The following DPP10 variants were observed in gnomAD, a reference collection of about 807,000 sequenced individuals.
DPP10 encodes dipeptidyl peptidase like 10.
Under a neutral mutation model 120.9 loss-of-function variants are expected in DPP10, and 33 were observed. The observed-to-expected ratio is 0.27, with a 90% CI of 0.21 to 0.37. DPP10 has a LOEUF of 0.37. DPP10 is among the 10% of genes least tolerant of loss of function. The pLI, the probability that DPP10 is intolerant of heterozygous loss-of-function variation, is 1.00. For synonymous variants in DPP10, 337 were observed against 326.1 expected, an observed-to-expected ratio of 1.03 and a Z score of -0.36; for missense variants, 816 against 942.8, an observed-to-expected ratio of 0.87 and a Z score of 1.76.
At chr2:114,583,030 G>A (rs940953816) in intron 1 of DPP10, among the ~76,000 whole-genome samples, 1 of 152,158 alleles carries the variant, frequency 6.6e-6, no homozygotes, top group Non-Finnish European at 1.5e-5. Context: ...AAGTTCCCAG[G>A]TAACAGGAAG....
intron 1 of DPP10, among the ~76,000 whole-genome samples, chr2:114,699,258 A>T (rs1201129197): frequency 1.3e-5 from 2 of 152,084 alleles, no homozygotes; most frequent in Admixed American, 1.3e-4. Flanking sequence ...CGTTTGTATA[A>T]ATATACATAT....
intron 21 of DPP10, among the ~76,000 whole-genome samples, chr2:115,819,926 G>A (rs1427467704): frequency 3.9e-5 from 6 of 152,148 alleles, no homozygotes; most frequent in East Asian, 1.9e-4. Context: ...CCCAGGAGGC[G>A]GAGATTGTGG....
chr2:114,795,896 A>G (rs1379768096), intron 1 of DPP10, among the ~76,000 whole-genome samples: 2 of 152,212 alleles, frequency 1.3e-5, no homozygotes, highest in Non-Finnish European at 2.9e-5. Context: ...GCATGGAACC[A>G]TTAACAGTAG....
intron 7 of DPP10, among the ~76,000 whole-genome samples, chr2:115,716,428 C>A (rs1042869749): frequency 2.0e-5 from 3 of 152,010 alleles, no homozygotes; most frequent in South Asian, 4.1e-4. Flanking sequence ...AACTGAAGTA[C>A]GAGGGATAGC....
chr2:115,047,906 T>C (rs1573424603), intron 1 of DPP10, among the ~76,000 whole-genome samples: 1 of 152,232 alleles, frequency 6.6e-6, no homozygotes, highest in African/African-American at 2.4e-5. Context: ...CAGTCCTCCA[T>C]TTGTCATGAA....
At chr2:114,856,764 T>A (rs1689402482) in intron 1 of DPP10, among the ~76,000 whole-genome samples, 1 of 152,194 alleles carries the variant, frequency 6.6e-6, no homozygotes, top group South Asian at 2.1e-4. Context: ...GCTTCTGTTT[T>A]TTATCTTAGC....
chr2:115,148,523 C>A (rs570764766), intron 1 of DPP10, among the ~76,000 whole-genome samples: 1 of 152,250 alleles, frequency 6.6e-6, no homozygotes, highest in African/African-American at 2.4e-5. Flanking sequence ...GCTGTACATA[C>A]ACTGGAGAGA....
At chr2:115,185,557 T>G (rs1243128593) in intron 1 of DPP10, among the ~76,000 whole-genome samples, 2 of 152,158 alleles carry the variant, frequency 1.3e-5, no homozygotes, top group Non-Finnish European at 2.9e-5. Flanking sequence ...TACCTAAAAT[T>G]TATTATTGTT....
intron 19 of DPP10, among the ~76,000 whole-genome samples, chr2:115,801,748 T>C (rs1289555726): frequency 6.6e-6 from 1 of 152,220 alleles, no homozygotes; most frequent in Non-Finnish European, 1.5e-5. Flanking sequence ...TTGATTTTCG[T>C]ATGTTGAACC....
intron 1 of DPP10, among the ~76,000 whole-genome samples, chr2:114,603,165 C>T (rs1692508359): frequency 6.6e-6 from 1 of 151,896 alleles, no homozygotes; most frequent in Non-Finnish European, 1.5e-5. Flanking sequence ...AAATGATTTC[C>T]ACTTGTTTCA....
chr2:115,283,311 G>A (rs2060236563), intron 1 of DPP10, among the ~76,000 whole-genome samples: 2 of 152,000 alleles, frequency 1.3e-5, no homozygotes, highest in African/African-American at 2.4e-5. Context: ...ATTAATCCAT[G>A]AAAAACTTTG....
chr2:114,792,372 G>A (rs990908564), intron 1 of DPP10, among the ~76,000 whole-genome samples: 3 of 152,060 alleles, frequency 2.0e-5, no homozygotes, highest in East Asian at 1.9e-4. Flanking sequence ...ACACACAATC[G>A]AATTAGCTAA....
chr2:115,370,162 C>G (rs1040149445), intron 3 of DPP10, among the ~76,000 whole-genome samples: 3 of 152,102 alleles, frequency 2.0e-5, no homozygotes, highest in Non-Finnish European at 4.4e-5. Context: ...ACTGAAATCT[C>G]CTATCAAAGA....
chr2:114,887,794 T>C (rs1167306966), intron 1 of DPP10, among the ~76,000 whole-genome samples: 1 of 152,206 alleles, frequency 6.6e-6, no homozygotes, highest in Non-Finnish European at 1.5e-5. Context: ...ACTAATGGCC[T>C]GATCTTACAT....
intron 1 of DPP10, among the ~76,000 whole-genome samples, chr2:115,244,975 G>GC (rs1378021294): frequency 5.3e-5 from 8 of 151,826 alleles, no homozygotes; most frequent in African/African-American, 1.9e-4. Flanking sequence ...CCAATGTATA[G>GC]CCTTTTATCC....
intron 1 of DPP10, among the ~76,000 whole-genome samples, chr2:115,145,396 T>C (rs565526360): frequency 6.6e-6 from 1 of 152,230 alleles, no homozygotes; most frequent in African/African-American, 2.4e-5. Flanking sequence ...TTTGGAATTA[T>C]GAAGTATGTA....
intron 1 of DPP10, among the ~76,000 whole-genome samples, chr2:114,462,714 G>C (rs372449881): frequency 6.6e-6 from 1 of 152,090 alleles, no homozygotes; most frequent in African/African-American, 2.4e-5. Flanking sequence ...CCCCTGCTTC[G>C]CACACCATAC....
At chr2:115,636,883 G>A (rs1004282011) in intron 5 of DPP10, among the ~76,000 whole-genome samples, 1 of 152,040 alleles carries the variant, frequency 6.6e-6, no homozygotes, top group African/African-American at 2.4e-5. Flanking sequence ...AAGAGGAAGT[G>A]GAATCTTAAG....
At chr2:115,244,611 G>A (rs1479766176) in intron 1 of DPP10, among the ~76,000 whole-genome samples, 2 of 151,842 alleles carry the variant, frequency 1.3e-5, no homozygotes, top group Non-Finnish European at 2.9e-5. Flanking sequence ...AGCAGCTGAA[G>A]AGATAAATAG....
Sources: gnomAD v4.1 joint callset for allele counts (sites outside exome capture counted in the v4.1 genomes callset) on GRCh38, gnomAD v4.1.1 for gene constraint, MANE v1.5 for transcripts, NCBI Gene and HGNC (gene_info 2026-07-23, HGNC 2026-07-21) for gene names.